EBF4: variants seen among roughly 807,000 people sequenced by gnomAD.
EBF4 encodes transcription factor COE4.
A neutral mutation model predicts 67.1 loss-of-function variants in EBF4; 34 were observed. That is an observed-to-expected ratio of 0.51 (90% confidence interval 0.39 to 0.67). The LOEUF (loss-of-function observed/expected upper bound fraction) is 0.67. EBF4 is among the 30% of genes least tolerant of loss of function. The pLI is 0.00. For synonymous variants in EBF4, 387 were observed against 377.7 expected, an observed-to-expected ratio of 1.02 and a Z score of -0.29; for missense variants, 837 against 873.3, an observed-to-expected ratio of 0.96 and a Z score of 0.52.
intron 6 of EBF4, among the ~76,000 whole-genome samples, chr20:2,725,475 C>A (rs1321398476): frequency 6.6e-6 from 1 of 151,934 alleles, no homozygotes; most frequent in East Asian, 1.9e-4. Context: ...ATTTTTATTT[C>A]TTTAAATGTT....
At chr20:2,728,396 G>GTT (rs1030909921) in intron 6 of EBF4, among the ~76,000 whole-genome samples, 1 of 152,154 alleles carries the variant, frequency 6.6e-6, no homozygotes, top group Non-Finnish European at 1.5e-5. Flanking sequence ...CCTGCCTTGG[G>GTT]TTTAGTGGTG....
chr20:2,717,115 C>G (rs1432837210), intron 6 of EBF4, among the ~76,000 whole-genome samples: 1 of 152,140 alleles, frequency 6.6e-6, no homozygotes. Flanking sequence ...TTTTGTAGAT[C>G]TTCTTTAATG....
chr20:2,705,778 C>T (rs1297236994), intron 2 of EBF4, 45 bp downstream of exon 2: 2 of 1,461,656 alleles, frequency 1.4e-6, no homozygotes, highest in South Asian at 1.3e-5. Flanking sequence ...CGGGAGGGAA[C>T]CCCCAACCAC....
intron 6 of EBF4, among the ~76,000 whole-genome samples, chr20:2,721,464 CT>C (rs1409249728): frequency 6.6e-6 from 1 of 150,520 alleles, no homozygotes; most frequent in Admixed American, 6.6e-5. Context: ...CTCTAAGTTT[CT>C]TTTTTTTTAG....
At chr20:2,705,705 C>T in exon 2 of EBF4, 1 of 1,550,750 alleles carries the variant, frequency 6.4e-7, no homozygotes, top group Non-Finnish European at 8.7e-7. Flanking sequence ...GAGCGCACAG[C>T]CTTCATCGAC....
chr20:2,737,096 A>G (rs1369867245), intron 6 of EBF4, among the ~76,000 whole-genome samples: 1 of 151,358 alleles, frequency 6.6e-6, no homozygotes, highest in Non-Finnish European at 1.5e-5. Context: ...AAAAATACCA[A>G]AAAATTAGCC....
intron 9 of EBF4, 41 bp from the exon 10 acceptor site, chr20:2,749,806 C>T (rs1343899211): frequency 3.9e-6 from 6 of 1,541,558 alleles, no homozygotes; most frequent in Admixed American, 4.0e-5. Context: ...GCCCTCCCCT[C>T]GCCGGTGCGG....
exon 9 of EBF4, chr20:2,749,690 C>T (rs774304579): frequency 6.4e-7 from 1 of 1,564,502 alleles, no homozygotes; most frequent in Non-Finnish European, 8.7e-7. Context: ...CCGTCATTGT[C>T]ATCGGCGACA....
In EBF4 at chr20:2,755,219, C is replaced by T. The variant is rs1338055225; in HGVS notation, c.1541-408C>T. 2 of 201,254 alleles carry T rather than the reference C, an allele frequency of 9.9e-6. No individual in the cohort carries two copies. The highest frequency in any genetic ancestry group is 2.0e-5 in the Non-Finnish European group (2 of 99,644). 12.5% of individuals were successfully genotyped at this position (201,254 alleles called of 1,614,324 possible). A position where few individuals can be genotyped will look rare whatever the true frequency, so the allele number is the denominator to read the frequency against. ...TACTTGTTCCAGCTCTTCTGTGACT[C>T]CTGAACTATGACTCTAGCCTTGGCA... On this transcript the variant is annotated intron_variant, in intron 14 of 16. Transcript: ENST00000609451. This position sits in a 1 kb window ranked among gnomAD's most constrained non-coding sequence, Gnocchi z 4.7.
exon 13 of EBF4, chr20:2,752,087 A>T: frequency 6.9e-7 from 1 of 1,455,866 alleles, no homozygotes; most frequent in South Asian, 1.4e-5. Context: ...TCTTCGCAGG[A>T]GCTGCTCCTG....
At chr20:2,705,616 T>C (rs1329229338) in exon 2 of EBF4, 2 of 1,553,224 alleles carry the variant, frequency 1.3e-6, no homozygotes, top group South Asian at 1.2e-5. Context: ...AGAAGCAGCC[T>C]CCCTCCAACC....
exon 14 of EBF4, chr20:2,752,375 G>A: frequency 8.1e-7 from 1 of 1,235,108 alleles, no homozygotes; most frequent in Admixed American, 4.2e-5. Context: ...CGCAGCTGCA[G>A]CAGCGCGTCC....
rs1384176169 is a variant in EBF4, at chr20:2,751,822, G to A, written c.1107+34G>A. The A allele has an allele frequency of 2.6e-6, 4 of 1,548,818 alleles. No individual in the cohort carries two copies. The highest frequency in any genetic ancestry group is 1.4e-5 in the African/African-American group (1 of 72,996). ...AGGGGCGGGGCGGGGCGGGGCTGAGGGTGTCCTGTGGGCAAGGGGGTGAGG... is the reference window on the plus strand; with the variant it reads ...AGGGGCGGGGCGGGGCGGGGCTGAGAGTGTCCTGTGGGCAAGGGGGTGAGG... On this transcript the variant is annotated intron_variant, in intron 11 of 16. Coordinates refer to ENST00000609451, the Ensembl canonical transcript of EBF4. This position sits in a 1 kb window ranked among gnomAD's most constrained non-coding sequence, Gnocchi z 5.2.
Position 2,749,966 on chromosome 20 carries a change from C to G in EBF4, c.1011C>G (p.Val337=). Residue 337 remains valine, a synonymous_variant, in exon 10 of 17, where the codon GTC becomes GTG. Transcript: ENST00000609451. ...GCAAGGGATGCCCCGGCCGCTTTGT[C>G]TACACAGGTAAGGAGTCGGGCGGGG... 3.2e-6 allele frequency: 5 copies of G among 1,550,354 alleles called. No homozygotes were observed. The South Asian group carries it at 6.0e-5, about 18-fold the overall frequency.
At chr20:2,725,466 T>C (rs1404575459) in intron 6 of EBF4, among the ~76,000 whole-genome samples, 1 of 152,242 alleles carries the variant, frequency 6.6e-6, no homozygotes, top group Non-Finnish European at 1.5e-5. Context: ...TCTAAGTTGA[T>C]TTTTATTTCT....
intron 3 of EBF4, 83 bp from the exon 4 acceptor site, chr20:2,706,122 CAGGG>C (rs2087454339): frequency 1.3e-6 from 2 of 1,548,924 alleles, no homozygotes; most frequent in Non-Finnish European, 1.7e-6. Context: ...CCCCCTGTGC[CAGGG>C]CTGGGGAGGG....
chr20:2,695,397 C>T (rs2146356499), intron 1 of EBF4, among the ~76,000 whole-genome samples: 1 of 152,292 alleles, frequency 6.6e-6, no homozygotes, highest in Non-Finnish European at 1.5e-5. Flanking sequence ...AGAGCATGGG[C>T]CACAGCAGTG....
Position 2,749,769 on chromosome 20 carries a change from C to T in EBF4, c.891+16C>T. 1 of 1,498,964 alleles carries T rather than the reference C, an allele frequency of 6.7e-7. No homozygotes were observed. The highest frequency in any genetic ancestry group is 8.9e-7 in the Non-Finnish European group (1 of 1,123,764). 92.9% of individuals were successfully genotyped at this position (1,498,964 alleles called of 1,614,324 possible). A position where few individuals can be genotyped will look rare whatever the true frequency, so the allele number is the denominator to read the frequency against. On this transcript the variant is annotated intron_variant, in intron 9 of 16. Coordinates refer to ENST00000609451, the Ensembl canonical transcript of EBF4. Reference sequence around the variant, plus strand: ...GTGGAGCGAGGTGGGCCAACCCCGCCAGTCTCCCTCTGGGCCTAGGGGCTG... The same window carrying T: ...GTGGAGCGAGGTGGGCCAACCCCGCTAGTCTCCCTCTGGGCCTAGGGGCTG...
Position 2,751,543 on chromosome 20 carries a change from G to T in EBF4, c.1019-157G>T. On this transcript the variant is annotated intron_variant, in intron 10 of 16. Coordinates refer to ENST00000609451, the Ensembl canonical transcript of EBF4. This position sits in a 1 kb window ranked among gnomAD's most constrained non-coding sequence, Gnocchi z 5.2. ...TTCCCTGAATCTCGCTGCCGGGGGT[G>T]CCTGGAGTTTTCCGGGGGACTTGGG... 3.0e-6 allele frequency: 2 copies of T among 671,748 alleles called. No homozygotes were observed. Among genetic ancestry groups the T allele is most frequent in the Non-Finnish European group, 5.1e-6 (2 of 392,282 alleles). 41.6% of individuals were successfully genotyped at this position (671,748 alleles called of 1,614,324 possible).
Sources: allele counts gnomAD v4.1 joint callset (sites outside exome capture counted in the v4.1 genomes callset), GRCh38; gene constraint gnomAD v4.1.1; non-coding constraint Gnocchi (gnomAD v3.1); transcripts MANE v1.5; gene names NCBI Gene and HGNC (gene_info 2026-07-23, HGNC 2026-07-21).